Variants in RIN3 observed in about 807,000 individuals in gnomAD.
RIN3 encodes RAB5 interacting protein 3.
Under a neutral mutation model 76.3 loss-of-function variants are expected in RIN3, and 54 were observed. The ratio of observed to expected loss-of-function variants is 0.71; its 90% CI spans 0.57 to 0.89. RIN3 has a LOEUF of 0.89. Among genes scored for constraint, RIN3 ranks in the 40% least tolerant of loss-of-function variants. RIN3 has a pLI of 0.00. For synonymous variants in RIN3, 576 were observed against 564.0 expected, an observed-to-expected ratio of 1.02 and a Z score of -0.30; for missense variants, 1,256 against 1,322.1, an observed-to-expected ratio of 0.95 and a Z score of 0.78.
rs116743934 is a variant in RIN3, at chr14:92,636,166, C to T, written c.441-5072C>T. Among the ~76,000 whole-genome samples the T allele has an allele frequency of 3.1e-3, 465 of 152,128 alleles. 2 individuals carry two copies. Among genetic ancestry groups the T allele is most frequent in the African/African-American group, 0.011 (437 of 41,460 alleles). On this transcript the variant is annotated intron_variant, in intron 4 of 9. Coordinates refer to ENST00000216487, the MANE Select transcript of RIN3 (RefSeq NM_024832.5). ...TATACGTAAAGTGCTTAAAACTGCT[C>T]CTGGACACTTAGTAAGCTCTGTAAT...
At chr14:92,637,323 G>C (rs1459013874) in intron 4 of RIN3, among the ~76,000 whole-genome samples, 1 of 152,022 alleles carries the variant, frequency 6.6e-6, no homozygotes, top group Non-Finnish European at 1.5e-5. Flanking sequence ...CACTCACATA[G>C]TTCACAGCAG....
At position 92,652,510 on chromosome 14, in the gene RIN3, G is replaced by A. The variant is rs532579377; in HGVS notation, c.1461G>A (p.Ala487=). ...PLENAELCTQ[A]MALETPTPGP... Reference sequence around the variant, plus strand: ...AGAACGCTGAGCTCTGCACACAGGCGATGGCCTTGGAGACACCCACGCCGG... The same window carrying A: ...AGAACGCTGAGCTCTGCACACAGGCAATGGCCTTGGAGACACCCACGCCGG... Residue 487 remains alanine, a synonymous_variant, in exon 6 of 10, where the codon GCG becomes GCA. Transcript: ENST00000216487. The surrounding 1 kb of genome is among the most constrained non-coding windows in gnomAD (Gnocchi z 6.4). The A allele has an allele frequency of 2.0e-5, 33 of 1,613,792 alleles. No individual in the cohort carries two copies. Among genetic ancestry groups the A allele is most frequent in the South Asian group, 3.3e-5 (3 of 91,074 alleles).
intron 2 of RIN3, among the ~76,000 whole-genome samples, chr14:92,561,044 A>AAAAAAAATATATATATATATAT (rs1555383856): frequency 8.2e-5 from 2 of 24,396 alleles, no homozygotes; most frequent in Non-Finnish European, 1.6e-4. Flanking sequence ...AAAAAAAAAA[A>AAAAAAAATATATATATATATAT]ATATATATAT....
rs1195535940 is a variant in RIN3, at chr14:92,521,223, TTCTATCCATCCATTTA to T, written c.44+7261_44+7276del. On this transcript the variant is annotated intron_variant, in intron 1 of 9. Transcript: ENST00000216487. ...CATCGACCTATCCACCCTCCCACGC[TTCTATCCATCCATTTA>T]TCTATCCATCCATGCATCCATCCAT... 6.6e-5 allele frequency among the ~76,000 whole-genome samples: 10 copies of T among 151,294 alleles called. No homozygotes were observed. In the South Asian group the frequency reaches 1.5e-3, roughly 22 times the overall value.
intron 1 of RIN3, among the ~76,000 whole-genome samples, chr14:92,531,499 G>T (rs946831581): frequency 1.3e-5 from 2 of 152,350 alleles, no homozygotes; most frequent in African/African-American, 2.4e-5. Context: ...CTAGCTGGGG[G>T]TGCGGAATCC....
intron 1 of RIN3, among the ~76,000 whole-genome samples, chr14:92,540,645 C>T (rs544117558): frequency 6.6e-6 from 1 of 152,286 alleles, no homozygotes; most frequent in African/African-American, 2.4e-5. Flanking sequence ...AGAGGTAGAA[C>T]TAGGAAGCAG....
At chr14:92,597,541 ACTT>A (rs1238879424) in intron 3 of RIN3, among the ~76,000 whole-genome samples, 1 of 152,174 alleles carries the variant, frequency 6.6e-6, no homozygotes, top group East Asian at 1.9e-4. Flanking sequence ...AGCTGGTTGA[ACTT>A]GGGCAAATTC....
In RIN3 at chr14:92,654,249, G is replaced by A. The variant is rs186491515; in HGVS notation, c.2026+1174G>A. On this transcript the variant is annotated intron_variant, in intron 6 of 9. Coordinates refer to ENST00000216487, the MANE Select transcript of RIN3 (RefSeq NM_024832.5). ...GAATTGCTTGAACCTGGGAGGCAGA[G>A]GTTGCAGTGAGCCGAGATTGTGCCA... is the stretch of plus-strand genomic sequence containing the variant. 3.3e-3 allele frequency among the ~76,000 whole-genome samples: 496 copies of A among 152,092 alleles called. 6 individuals are homozygous for A. The highest frequency in any genetic ancestry group is 2.7e-3 in the Admixed American group (41 of 15,282).
intron 3 of RIN3, among the ~76,000 whole-genome samples, chr14:92,607,937 T>C (rs983360757): frequency 2.0e-5 from 3 of 152,226 alleles, no homozygotes; most frequent in African/African-American, 7.2e-5. Flanking sequence ...ATATACTTTG[T>C]GATTCAACTT....
intron 7 of RIN3, among the ~76,000 whole-genome samples, chr14:92,661,751 AC>A (rs1469547747): frequency 3.1e-4 from 44 of 141,926 alleles, no homozygotes; most frequent in Admixed American, 6.4e-4. Flanking sequence ...ACACACACAC[AC>A]ACACACAAAA....
intron 1 of RIN3, among the ~76,000 whole-genome samples, chr14:92,534,444 G>A (rs1314990521): frequency 2.0e-5 from 3 of 151,862 alleles, no homozygotes; most frequent in Non-Finnish European, 2.9e-5. Context: ...GCTGGGCATG[G>A]TGTCAGGCAC....
At chr14:92,658,885 G>A (rs1887770920) in intron 6 of RIN3, among the ~76,000 whole-genome samples, 1 of 152,228 alleles carries the variant, frequency 6.6e-6, no homozygotes, top group South Asian at 2.1e-4. Context: ...CCTTGTGAAA[G>A]TTTGCTCTCT....
chr14:92,536,283 G>A (rs1896997875), intron 1 of RIN3, among the ~76,000 whole-genome samples: 1 of 152,186 alleles, frequency 6.6e-6, no homozygotes, highest in African/African-American at 2.4e-5. Flanking sequence ...GACCGTTTGT[G>A]TAGAATTGAT....
At chr14:92,589,315 C>T (rs1420786710) in intron 3 of RIN3, among the ~76,000 whole-genome samples, 3 of 152,108 alleles carry the variant, frequency 2.0e-5, no homozygotes, top group Non-Finnish European at 4.4e-5. Context: ...CTCAGCTCAT[C>T]AGATGTTCCC....
chr14:92,582,267 A>T (rs1884573018), intron 3 of RIN3, among the ~76,000 whole-genome samples: 2 of 152,074 alleles, frequency 1.3e-5, no homozygotes, highest in Non-Finnish European at 2.9e-5. Flanking sequence ...GCCGAATCTC[A>T]CTTTCCATTT....
At chr14:92,547,586 G>A (rs1432058658) in intron 1 of RIN3, among the ~76,000 whole-genome samples, 3 of 151,846 alleles carry the variant, frequency 2.0e-5, no homozygotes, top group Non-Finnish European at 2.9e-5. Flanking sequence ...TGTAGAGATA[G>A]TGTCTCACCA....
chr14:92,614,998 C>G (rs549866059), intron 3 of RIN3, among the ~76,000 whole-genome samples: 8 of 151,870 alleles, frequency 5.3e-5, no homozygotes, highest in African/African-American at 1.7e-4. Context: ...TGCCTGCCAC[C>G]ACACCGGCTA....
In RIN3 at chr14:92,685,096, C is replaced by T. The variant is rs750713705; in HGVS notation, c.2577C>T (p.Arg859=). 9 of 1,613,586 alleles carry T rather than the reference C, an allele frequency of 5.6e-6. No individual in the cohort carries two copies. Among genetic ancestry groups the T allele is most frequent in the Non-Finnish European group, 7.6e-6 (9 of 1,179,910 alleles). The part of the protein sequence containing the change: ...LSVEVQDSIH[R]WERRRTLNKA... Reference sequence around the variant, plus strand: ...TGGAGGTGCAGGACTCCATCCACCGCTGGGAGCGCCGGCGTACTCTCAACA... The same window carrying T: ...TGGAGGTGCAGGACTCCATCCACCGTTGGGAGCGCCGGCGTACTCTCAACA... Residue 859 remains arginine (R), a synonymous_variant, in exon 9 of 10, where the codon CGC becomes CGT. Transcript: ENST00000216487. This position sits in a 1 kb window ranked among gnomAD's most constrained non-coding sequence, Gnocchi z 4.7.
intron 8 of RIN3, among the ~76,000 whole-genome samples, chr14:92,679,111 A>G (rs1185835661): frequency 6.6e-6 from 1 of 152,258 alleles, no homozygotes; most frequent in African/African-American, 2.4e-5. Flanking sequence ...GGCTACTTCA[A>G]GTATTTGGAG....
Sources: allele counts gnomAD v4.1 joint callset (sites outside exome capture counted in the v4.1 genomes callset), GRCh38; gene constraint gnomAD v4.1.1; non-coding constraint Gnocchi (gnomAD v3.1); transcripts MANE v1.5; gene names NCBI Gene and HGNC (gene_info 2026-07-23, HGNC 2026-07-21).